The following HS3ST4 variants were observed in gnomAD, a reference collection of about 807,000 sequenced individuals.
HS3ST4 encodes the protein heparan sulfate-glucosamine 3-sulfotransferase 4.
A neutral mutation model predicts 29.2 loss-of-function variants in HS3ST4; 17 were observed. The observed-to-expected ratio is 0.58, with a 90% CI of 0.40 to 0.87. The LOEUF (loss-of-function observed/expected upper bound fraction) is 0.87. Among genes scored for constraint, HS3ST4 ranks in the 40% least tolerant of loss-of-function variants. The pLI, the probability that HS3ST4 is intolerant of heterozygous loss-of-function variation, is 0.00. For missense variants in HS3ST4, 627 were observed against 634.5 expected, an observed-to-expected ratio of 0.99 and a Z score of 0.13; for synonymous variants, 314 against 285.7, an observed-to-expected ratio of 1.10 and a Z score of -1.00.
At chr16:26,109,006 G>C (rs1457685729) in intron 1 of HS3ST4, among the ~76,000 whole-genome samples, 1 of 152,106 alleles carries the variant, frequency 6.6e-6, no homozygotes, top group Non-Finnish European at 1.5e-5. Context: ...CCATCCTAGA[G>C]ACACAGAGTA....
chr16:25,756,152 ACG>A (rs1555464227), intron 1 of HS3ST4, among the ~76,000 whole-genome samples: 2,551 of 84,932 alleles, frequency 0.03, 25 homozygotes, highest in Non-Finnish European at 0.033. Flanking sequence ...ACACACACAC[ACG>A]CACACACACA....
At chr16:25,748,256 C>A (rs1004694389) in intron 1 of HS3ST4, among the ~76,000 whole-genome samples, 14 of 152,096 alleles carry the variant, frequency 9.2e-5, no homozygotes, top group African/African-American at 3.4e-4. Flanking sequence ...TCCCCTCCCC[C>A]CCTTTAAAAT....
intron 1 of HS3ST4, among the ~76,000 whole-genome samples, chr16:26,023,295 T>TTTTA (rs933257134): frequency 6.6e-6 from 1 of 150,426 alleles, no homozygotes; most frequent in African/African-American, 2.4e-5. Context: ...AATATATGTT[T>TTTTA]TATATATATA....
intron 1 of HS3ST4, among the ~76,000 whole-genome samples, chr16:26,045,547 C>T (rs771356797): frequency 4.6e-5 from 7 of 152,116 alleles, no homozygotes; most frequent in Non-Finnish European, 8.8e-5. Flanking sequence ...CCAGTGTAGA[C>T]TGTCCACACT....
At chr16:25,903,301 T>TATATATTATATAC (rs1457768365) in intron 1 of HS3ST4, among the ~76,000 whole-genome samples, 1 of 17,324 alleles carries the variant, frequency 5.8e-5, no homozygotes, top group African/African-American at 2.5e-4. Context: ...TGTGTGTGTG[T>TATATATTATATAC]GTATGTATAT....
chr16:25,979,924 C>T (rs1400806764), intron 1 of HS3ST4, among the ~76,000 whole-genome samples: 1 of 152,154 alleles, frequency 6.6e-6, no homozygotes. Context: ...CACCCTTGAC[C>T]CTTCACCCTT....
chr16:25,768,561 C>T (rs867913438), intron 1 of HS3ST4, among the ~76,000 whole-genome samples: 4 of 152,076 alleles, frequency 2.6e-5, no homozygotes, highest in South Asian at 2.1e-4. Flanking sequence ...TTTTGCAGAC[C>T]GCATGTGGAG....
intron 1 of HS3ST4, among the ~76,000 whole-genome samples, chr16:25,979,631 A>C (rs1166332749): frequency 1.3e-5 from 2 of 152,196 alleles, no homozygotes; most frequent in African/African-American, 4.8e-5. Flanking sequence ...TCTACATTAC[A>C]GTGAGTTGTA....
intron 1 of HS3ST4, among the ~76,000 whole-genome samples, chr16:26,072,548 A>G (rs988794858): frequency 6.6e-6 from 1 of 152,212 alleles, no homozygotes; most frequent in Non-Finnish European, 1.5e-5. Flanking sequence ...CATGATAGTC[A>G]GTATAGTGCA....
At chr16:26,034,208 A>G (rs562722338) in intron 1 of HS3ST4, among the ~76,000 whole-genome samples, 7 of 152,286 alleles carry the variant, frequency 4.6e-5, no homozygotes, top group Middle Eastern at 6.8e-3. Flanking sequence ...AGGGCAGGCT[A>G]ATGGGCATCA....
chr16:25,889,406 T>C (rs1417604750), intron 1 of HS3ST4, among the ~76,000 whole-genome samples: 2 of 152,192 alleles, frequency 1.3e-5, no homozygotes, highest in South Asian at 2.1e-4. Flanking sequence ...GATTGAAATT[T>C]AGGAATTAGT....
At chr16:25,777,465 G>A (rs953784078) in intron 1 of HS3ST4, among the ~76,000 whole-genome samples, 6 of 151,938 alleles carry the variant, frequency 3.9e-5, no homozygotes, top group African/African-American at 1.5e-4. Flanking sequence ...GTGTGTGTGT[G>A]CATAAGATAC....
At chr16:26,003,862 T>G (rs1172634313) in intron 1 of HS3ST4, among the ~76,000 whole-genome samples, 1 of 152,138 alleles carries the variant, frequency 6.6e-6, no homozygotes, top group Non-Finnish European at 1.5e-5. Flanking sequence ...CCATGCCATG[T>G]GCCTACCCCT....
At chr16:25,852,228 C>T (rs2141650136) in intron 1 of HS3ST4, among the ~76,000 whole-genome samples, 1 of 152,296 alleles carries the variant, frequency 6.6e-6, no homozygotes, top group South Asian at 2.1e-4. Context: ...TCCATCTCTT[C>T]TTTAATCCCC....
In HS3ST4 at chr16:25,895,475, T is replaced by G. The variant is rs114808728; in HGVS notation, c.734+202324T>G. Among the ~76,000 whole-genome samples the G allele has an allele frequency of 5.9e-3, 889 of 151,318 alleles. 9 individuals carry two copies. The highest frequency in any genetic ancestry group is 0.021 in the African/African-American group (864 of 41,208). ...GGATGCTGGGCTGGTCACAGGAGAG[T>G]TGTCAGGGGCTCGATAAGCAGGCAG... On this transcript the variant is annotated intron_variant, in intron 1 of 1. Transcript: ENST00000331351.
chr16:25,924,730 C>T (rs1021111074), intron 1 of HS3ST4, among the ~76,000 whole-genome samples: 1 of 152,160 alleles, frequency 6.6e-6, no homozygotes, highest in African/African-American at 2.4e-5. Context: ...AATGTAGTCC[C>T]TTCTCAGGCT....
At chr16:26,080,850 A>G (rs185666713) in intron 1 of HS3ST4, among the ~76,000 whole-genome samples, 1 of 152,294 alleles carries the variant, frequency 6.6e-6, no homozygotes, top group Non-Finnish European at 1.5e-5. Context: ...TTTAGTGGGA[A>G]TGGTGAGATT....
At chr16:26,026,629 C>A (rs1969476870) in intron 1 of HS3ST4, among the ~76,000 whole-genome samples, 1 of 152,076 alleles carries the variant, frequency 6.6e-6, no homozygotes, top group African/African-American at 2.4e-5. Flanking sequence ...CTTTTTGGTA[C>A]CCCTGTGTCT....
At chr16:25,932,386 A>G (rs1376715805) in intron 1 of HS3ST4, among the ~76,000 whole-genome samples, 2 of 152,224 alleles carry the variant, frequency 1.3e-5, no homozygotes, top group African/African-American at 4.8e-5. Context: ...GGGGCAATAG[A>G]AGGGCTCCAT....
Sources: gnomAD v4.1 joint callset for allele counts (sites outside exome capture counted in the v4.1 genomes callset) on GRCh38, gnomAD v4.1.1 for gene constraint, MANE v1.5 for transcripts, NCBI Gene and HGNC (gene_info 2026-07-23, HGNC 2026-07-21) for gene names.